Variants in HSBP1 observed in about 807,000 individuals in gnomAD.
HSBP1 encodes heat shock factor binding protein 1.
Under a neutral mutation model 9.6 loss-of-function variants are expected in HSBP1, and 5 were observed. That is an observed-to-expected ratio of 0.52 (90% CI 0.27 to 1.09). The LOEUF is 1.09. Ranked by LOEUF, HSBP1 falls within the 50% of genes least tolerant of loss-of-function variation. The probability of loss-of-function intolerance (pLI) is 0.11; values close to 1 mark genes in which losing one functional copy is unlikely to be tolerated. For missense variants in HSBP1, 121 were observed against 96.3 expected (o/e 1.26, Z -1.07); for synonymous variants, 42 against 33.3 (o/e 1.26, Z -0.90).
At chr16:83,809,068 C>T (rs1904534219) in intron 2 of HSBP1, 1 of 544,330 alleles carries the variant, frequency 1.8e-6, no homozygotes, top group Non-Finnish European at 3.2e-6. Context: ...TCATCTTTAG[C>T]AAATGAATAA....
rs906103918 is a variant in HSBP1 at position 83,816,216 on chromosome 16, T to G, written c.*4798T>G. Reference sequence around the variant, plus strand: ...GAGTTCTAAACCAGCCTGGCCAACATGGCGAAACCCCCGTCTCTACTAAAA... The same window carrying G: ...GAGTTCTAAACCAGCCTGGCCAACAGGGCGAAACCCCCGTCTCTACTAAAA... On this transcript the variant is annotated 3_prime_UTR_variant, in exon 4 of 4. Coordinates refer to ENST00000433866, the MANE Select transcript of HSBP1 (RefSeq NM_001537.4). 17 of 152,070 alleles carry G rather than the reference T, an allele frequency of 1.1e-4. No individual in the cohort carries two copies. The highest frequency in any genetic ancestry group is 4.1e-4 in the African/African-American group (17 of 41,408). 9.4% of individuals were successfully genotyped at this position (152,070 alleles called of 1,614,324 possible).
At position 83,811,671 on chromosome 16, in the gene HSBP1, A is replaced by T. The variant is rs949204388; in HGVS notation, c.*253A>T. 2.6e-5 allele frequency: 4 copies of T among 152,160 alleles called. No individual in the cohort carries two copies. The highest frequency in any genetic ancestry group is 7.2e-5 in the African/African-American group (3 of 41,418). 9.4% of individuals were successfully genotyped at this position (152,160 alleles called of 1,614,324 possible). On this transcript the variant is annotated 3_prime_UTR_variant, in exon 4 of 4. Coordinates refer to ENST00000433866, the MANE Select transcript of HSBP1 (RefSeq NM_001537.4). ...AAAACTTTGGCGGTTCTTGCATAAC[A>T]TTGTCAGATTTTTTAGTGTATTTCT...
In HSBP1 at chr16:83,819,063, G is replaced by C. The variant is rs1319433026; in HGVS notation, c.*7645G>C. 1.3e-5 allele frequency: 2 copies of C among 152,096 alleles called. No individual in the cohort carries two copies. The highest frequency in any genetic ancestry group is 6.6e-5 in the Admixed American group (1 of 15,264). 9.4% of individuals were successfully genotyped at this position (152,096 alleles called of 1,614,324 possible). A position where few individuals can be genotyped will look rare whatever the true frequency, so the allele number is the denominator to read the frequency against. On this transcript the variant is annotated 3_prime_UTR_variant, in exon 4 of 4. Transcript: ENST00000433866. ...ACATCCTCCAGGCGATTCTGAGAGT[G>C]AGAGAGCCAGGGCCTTCGGGCATCA... is the stretch of plus-strand genomic sequence containing the variant.
At chr16:83,809,544 C>T (rs1459503497) in intron 3 of HSBP1, 119 bp downstream of exon 3, 2 of 575,724 alleles carry the variant, frequency 3.5e-6, no homozygotes, top group Non-Finnish European at 6.0e-6. Context: ...TCTCGGCTCC[C>T]TGCAACCTTT....
At position 83,813,776 on chromosome 16, in the gene HSBP1, C is replaced by G. The variant is rs994207793; in HGVS notation, c.*2358C>G. The G allele has an allele frequency of 1.3e-5, 2 of 152,224 alleles. No individual in the cohort carries two copies. Among genetic ancestry groups the G allele is most frequent in the Non-Finnish European group, 2.9e-5 (2 of 68,050 alleles). 9.4% of individuals were successfully genotyped at this position (152,224 alleles called of 1,614,324 possible). On this transcript the variant is annotated 3_prime_UTR_variant, in exon 4 of 4. Transcript: ENST00000433866. ...TTACATTTAATTAAGTGCCCTGTCT[C>G]AAACCCCAAGGCCCCACAGCTTCTT...
chr16:83,809,812 A>G (rs902555226), intron 3 of HSBP1, among the ~76,000 whole-genome samples: 6 of 152,056 alleles, frequency 3.9e-5, no homozygotes, highest in Non-Finnish European at 7.4e-5. Context: ...ACCTGTAAGT[A>G]TAATTTGTAT....
chr16:83,809,461 T>TA, intron 3 of HSBP1, 36 bp downstream of exon 3: 127 of 834,888 alleles, frequency 1.5e-4, no homozygotes, highest in Middle Eastern at 3.7e-4. Flanking sequence ...TCTTTTCTTT[T>TA]CTTTTTTTTT....
Position 83,812,422 on chromosome 16 carries a change from C to A in HSBP1, c.*1004C>A, listed in dbSNP as rs984085011. 3.3e-5 allele frequency: 5 copies of A among 152,110 alleles called. No homozygotes were observed. The highest frequency in any genetic ancestry group is 9.7e-5 in the African/African-American group (4 of 41,404). 9.4% of individuals were successfully genotyped at this position (152,110 alleles called of 1,614,324 possible). A position where few individuals can be genotyped will look rare whatever the true frequency, so the allele number is the denominator to read the frequency against. ...TGATTATAGAAGACAGGGATAATAC[C>A]TTTATCTCTGGCCACTCAAAAATGC... On this transcript the variant is annotated 3_prime_UTR_variant, in exon 4 of 4. Transcript: ENST00000433866.
Position 83,818,518 on chromosome 16 carries a change from C to G in HSBP1, c.*7100C>G, listed in dbSNP as rs753762305. ...TAGCAAGTTCAGAACTTGAAGAATC[C>G]CTTTTATCCTAACGCTGACTAATAA... On this transcript the variant is annotated 3_prime_UTR_variant, in exon 4 of 4. Coordinates refer to ENST00000433866, the MANE Select transcript of HSBP1 (RefSeq NM_001537.4). 6.6e-6 allele frequency: 1 copy of G among 152,160 alleles called. No homozygotes were observed. The highest frequency in any genetic ancestry group is 1.5e-5 in the Non-Finnish European group (1 of 68,028). The allele number at this position is 152,160 out of a possible 1,614,324, so 9.4% of individuals were successfully genotyped here. A position where few individuals can be genotyped will look rare whatever the true frequency, so the allele number is the denominator to read the frequency against.
rs1419951396 is a variant in HSBP1, at chr16:83,812,052, G to T, written c.*634G>T. On this transcript the variant is annotated 3_prime_UTR_variant, in exon 4 of 4. Transcript: ENST00000433866. ...GAAAAGTAACCACTGCCACTGTCTT[G>T]TGTCAGAACTTTTACAGTACAGAAA... The T allele has an allele frequency of 2.0e-5, 3 of 152,640 alleles. No individual in the cohort carries two copies. The highest frequency in any genetic ancestry group is 4.4e-5 in the Non-Finnish European group (3 of 68,034). The allele number at this position is 152,640 out of a possible 1,614,324, so 9.5% of individuals were successfully genotyped here.
rs200996794 is a variant in HSBP1, at chr16:83,809,383, T to A, written c.191T>A (p.Leu64Gln). The change falls in exon 3 of 4, where the codon CTG (leucine) becomes CAG (glutamine). Residue 64 changes from leucine to glutamine, a missense_variant. Leu to Gln is a moderately radical substitution (Grantham distance 113, BLOSUM62 -2). Coordinates refer to ENST00000433866, the MANE Select transcript of HSBP1 (RefSeq NM_001537.4). ...ATGACACAGGCTGGGGTGGAAGAAC[T>A]GGAAAGTGAAAACAAGATACCTGCC... is the stretch of plus-strand genomic sequence containing the variant. ...DLMTQAGVEE[L>Q]ESENKIPATQ... 2,341 of 1,603,968 alleles carry A rather than the reference T, an allele frequency of 1.5e-3. 36 individuals are homozygous for A. The highest frequency in any genetic ancestry group is 3.9e-4 in the Non-Finnish European group (461 of 1,175,600).
Position 83,812,903 on chromosome 16 carries a change from G to T in HSBP1, c.*1485G>T, listed in dbSNP as rs1263659719. On this transcript the variant is annotated 3_prime_UTR_variant, in exon 4 of 4. Coordinates refer to ENST00000433866, the MANE Select transcript of HSBP1 (RefSeq NM_001537.4). ...TAGGAGAGTTGTGACTTAGGCAGGA[G>T]TCGACCTCCTCAAGTAATGGAACGA... is the stretch of plus-strand genomic sequence containing the variant. 1 of 152,222 alleles carries T rather than the reference G, an allele frequency of 6.6e-6. No individual in the cohort carries two copies. Among genetic ancestry groups the T allele is most frequent in the Non-Finnish European group, 1.5e-5 (1 of 68,048 alleles). 9.4% of individuals were successfully genotyped at this position (152,222 alleles called of 1,614,324 possible).
intron 1 of HSBP1, chr16:83,808,397 C>A (rs759787503): frequency 7.2e-6 from 4 of 556,872 alleles, no homozygotes; most frequent in Non-Finnish European, 1.3e-5. Flanking sequence ...ACCTCTGACA[C>A]CCTCCCCGCC....
At chr16:83,810,068 T>G (rs1156684492) in intron 3 of HSBP1, among the ~76,000 whole-genome samples, 1 of 152,022 alleles carries the variant, frequency 6.6e-6, no homozygotes, top group Non-Finnish European at 1.5e-5. Flanking sequence ...TTTGTTGGCC[T>G]ATAAAGCCTG....
Position 83,815,891 on chromosome 16 carries a change from G to A in HSBP1, c.*4473G>A, listed in dbSNP as rs1326847655. The A allele has an allele frequency of 1.3e-5, 2 of 152,104 alleles. No individual in the cohort carries two copies. The highest frequency in any genetic ancestry group is 4.8e-5 in the African/African-American group (2 of 41,428). 9.4% of individuals were successfully genotyped at this position (152,104 alleles called of 1,614,324 possible). Reference sequence around the variant, plus strand: ...AGAATTTGACCATTTAGTCACGTTGGTCTTGCAAAATGTCCACCTTCCAAA... The same window carrying A: ...AGAATTTGACCATTTAGTCACGTTGATCTTGCAAAATGTCCACCTTCCAAA... On this transcript the variant is annotated 3_prime_UTR_variant, in exon 4 of 4. Coordinates refer to ENST00000433866, the MANE Select transcript of HSBP1 (RefSeq NM_001537.4).
In HSBP1 at chr16:83,819,583, A is replaced by G. The variant is rs948188237; in HGVS notation, c.*8165A>G. Reference sequence around the variant, plus strand: ...TTAAAATGTACTTCAGTAAAAAATCATTTCAACTCTTAAGCCACAAAAGGA... The same window carrying G: ...TTAAAATGTACTTCAGTAAAAAATCGTTTCAACTCTTAAGCCACAAAAGGA... On this transcript the variant is annotated 3_prime_UTR_variant, in exon 4 of 4. Transcript: ENST00000433866. 1 of 152,206 alleles carries G rather than the reference A, an allele frequency of 6.6e-6. No homozygotes were observed. Among genetic ancestry groups the G allele is most frequent in the Non-Finnish European group, 1.5e-5 (1 of 68,044 alleles). The allele number at this position is 152,206 out of a possible 1,614,324, so 9.4% of individuals were successfully genotyped here.
At chr16:83,808,835 T>C in intron 2 of HSBP1, 89 bp downstream of exon 2, 6 of 908,324 alleles carry the variant, frequency 6.6e-6, no homozygotes, top group Non-Finnish European at 1.0e-5. Flanking sequence ...GTTTTCAGGC[T>C]AGCTTCAGCC....
chr16:83,813,732 C>G lies in HSBP1; in HGVS notation c.*2314C>G, dbSNP rs8061248. On this transcript the variant is annotated 3_prime_UTR_variant, in exon 4 of 4. Coordinates refer to ENST00000433866, the MANE Select transcript of HSBP1 (RefSeq NM_001537.4). ...CAATACAGATGAGTATGGGGGCCCT[C>G]GCACCAAGGAAAACAGCGTTACATT... 8 of 151,988 alleles carry G rather than the reference C, an allele frequency of 5.3e-5. No homozygotes were observed. The highest frequency in any genetic ancestry group is 1.9e-4 in the African/African-American group (8 of 41,348). The allele number at this position is 151,988 out of a possible 1,614,324, so 9.4% of individuals were successfully genotyped here. A position where few individuals can be genotyped will look rare whatever the true frequency, so the allele number is the denominator to read the frequency against.
rs1324857056 is a variant in HSBP1 at position 83,811,824 on chromosome 16, T to C, written c.*406T>C. ...TAGTTAGTCTTGGTGAAGTAAGATG[T>C]TTGTAGACTTTAGAGTTCTTTAATT... On this transcript the variant is annotated 3_prime_UTR_variant, in exon 4 of 4. Transcript: ENST00000433866. 1 of 152,260 alleles carries C rather than the reference T, an allele frequency of 6.6e-6. No homozygotes were observed. The highest frequency in any genetic ancestry group is 1.5e-5 in the Non-Finnish European group (1 of 68,048). The allele number at this position is 152,260 out of a possible 1,614,324, so 9.4% of individuals were successfully genotyped here.
Sources: gnomAD v4.1 joint callset for allele counts (sites outside exome capture counted in the v4.1 genomes callset) on GRCh38, gnomAD v4.1.1 for gene constraint, MANE v1.5 for transcripts, NCBI Gene and HGNC (gene_info 2026-07-23, HGNC 2026-07-21) for gene names.